WDR27: variants seen among roughly 807,000 people sequenced by gnomAD.
WDR27 encodes the protein WD repeat-containing protein 27.
Under a neutral mutation model 114.4 loss-of-function variants are expected in WDR27, and 100 were observed. The ratio of observed to expected loss-of-function variants is 0.87; its 90% CI spans 0.74 to 1.03. The LOEUF (loss-of-function observed/expected upper bound fraction) is 1.03, where lower values mean the gene tolerates loss of function less well. WDR27 is among the 50% of genes least tolerant of loss of function. The pLI is 0.00. For synonymous variants in WDR27, 449 were observed against 423.1 expected, an observed-to-expected ratio of 1.06 and a Z score of -0.75; for missense variants, 1,129 against 1,092.9, an observed-to-expected ratio of 1.03 and a Z score of -0.47.
chr6:169,433,147 T>C, the WDR27 span, among the ~76,000 whole-genome samples: 2 of 152,254 alleles, frequency 1.3e-5, no homozygotes, highest in Admixed American at 1.3e-4. Context: ...GTTTGTTACA[T>C]AGATATACAT....
At chr6:169,666,912 C>A (rs1391465834) in intron 6 of WDR27, 1 of 985,446 alleles carries the variant, frequency 1.0e-6, no homozygotes, top group African/African-American at 1.7e-5. Context: ...CAGAAAGGCC[C>A]AGACTCCAAG....
intron 25 of WDR27, among the ~76,000 whole-genome samples, chr6:169,473,170 T>G (rs753285264): frequency 2.6e-5 from 4 of 152,204 alleles, no homozygotes; most frequent in Non-Finnish European, 5.9e-5. Context: ...CTTATTCACA[T>G]GAATACACTT....
At chr6:169,455,797 C>A (rs1464878007), downstream of WDR27, among the ~76,000 whole-genome samples, 1 of 152,242 alleles carries the variant, frequency 6.6e-6, no homozygotes, top group Non-Finnish European at 1.5e-5. Context: ...TGCAACCTGA[C>A]ACAGCTCTCT....
Position 169,633,003 on chromosome 6 carries a change from C to A in WDR27, c.2167G>T (p.Ala723Ser), listed in dbSNP as rs1421969210. Reference sequence around the variant, plus strand: ...GAGTGGGCTTCCGCTATCACCGCTGCACTGCAGCCGGCGTTGAGGTCAAAC... The same window carrying A: ...GAGTGGGCTTCCGCTATCACCGCTGAACTGCAGCCGGCGTTGAGGTCAAAC... Reference protein sequence around the residue: ...EVFDLNAGCSAAVIAEAHSRP... With the variant: ...EVFDLNAGCSSAVIAEAHSRP... The change falls in exon 21 of 26, where the codon GCA (alanine) becomes TCA (serine). Residue 723 changes from alanine to serine, a missense_variant. Ala to Ser is a moderately conservative substitution (Grantham distance 99). Coordinates refer to ENST00000448612, the MANE Select transcript of WDR27 (RefSeq NM_182552.5). 2 of 1,599,576 alleles carry A rather than the reference C, an allele frequency of 1.3e-6. No homozygotes were observed. The highest frequency in any genetic ancestry group is 1.7e-5 in the Admixed American group (1 of 59,826).
At chr6:169,561,196 G>C (rs1268122772) in intron 25 of WDR27, among the ~76,000 whole-genome samples, 1 of 152,074 alleles carries the variant, frequency 6.6e-6, no homozygotes, top group African/African-American at 2.4e-5. Flanking sequence ...CATAGACAGT[G>C]CCTTCTCACT....
At chr6:169,449,069 G>A in the WDR27 span, among the ~76,000 whole-genome samples, 483 of 152,262 alleles carry the variant, frequency 3.2e-3, 2 homozygotes, top group Non-Finnish European at 5.5e-3. Context: ...TGCCTACGAC[G>A]TGTATTGTTT....
intron 25 of WDR27, among the ~76,000 whole-genome samples, chr6:169,526,930 G>GA (rs1394891217): frequency 6.6e-6 from 1 of 152,142 alleles, no homozygotes; most frequent in Non-Finnish European, 1.5e-5. Flanking sequence ...AATTATTATG[G>GA]AAATGCAAAT....
the WDR27 span, among the ~76,000 whole-genome samples, chr6:169,430,060 T>C: frequency 6.6e-6 from 1 of 152,218 alleles, no homozygotes; most frequent in Non-Finnish European, 1.5e-5. Context: ...TCATCTGCTC[T>C]GAGCTGCAGA....
At chr6:169,447,786 G>C in the WDR27 span, among the ~76,000 whole-genome samples, 6 of 152,166 alleles carry the variant, frequency 3.9e-5, no homozygotes, top group Non-Finnish European at 8.8e-5. Flanking sequence ...TTCCAAGAAT[G>C]TCTCTTCAGG....
At chr6:169,610,963 AGGTGCACTAAAAC>A (rs1810388628) in intron 22 of WDR27, among the ~76,000 whole-genome samples, 1 of 152,162 alleles carries the variant, frequency 6.6e-6, no homozygotes, top group Admixed American at 6.5e-5. Context: ...CTCAGGTGGC[AGGTGCACTAAAAC>A]CTTAGACTTC....
chr6:169,455,157 T>C (rs571825215), downstream of WDR27, among the ~76,000 whole-genome samples: 63 of 152,332 alleles, frequency 4.1e-4, no homozygotes, highest in African/African-American at 1.5e-3. Context: ...ACACAGACCT[T>C]GGAAAAGGCC....
At chr6:169,700,066 C>A (rs905639978) in intron 1 of WDR27, among the ~76,000 whole-genome samples, 17 of 152,184 alleles carry the variant, frequency 1.1e-4, no homozygotes, top group African/African-American at 4.1e-4. Context: ...CCACCTCCAC[C>A]CCAGCATCAC....
Position 169,499,308 on chromosome 6 carries a change from C to G in WDR27, c.2646-41674G>C, listed in dbSNP as rs140498131. Among the ~76,000 whole-genome samples the G allele has an allele frequency of 3.1e-3, 473 of 152,366 alleles. 2 individuals carry two copies. Among genetic ancestry groups the G allele is most frequent in the South Asian group, 8.9e-3 (43 of 4,826 alleles). ...GGAGCTGCGCTGTTCCCAATGCACA[C>G]TGCAGGGATGTGTGAGGCAGGGCTC... On this transcript the variant is annotated intron_variant, in intron 25 of 25. Coordinates refer to ENST00000448612, the MANE Select transcript of WDR27 (RefSeq NM_182552.5).
At chr6:169,474,678 T>TAA (rs142063952) in intron 25 of WDR27, among the ~76,000 whole-genome samples, 11 of 149,372 alleles carry the variant, frequency 7.4e-5, no homozygotes, top group African/African-American at 2.5e-4. Context: ...GTTCTACAAT[T>TAA]AAAAAAAAAC....
chr6:169,605,108 CAA>C (rs59884264), intron 22 of WDR27, among the ~76,000 whole-genome samples: 2 of 76,190 alleles, frequency 2.6e-5, no homozygotes, highest in Admixed American at 2.2e-4. Flanking sequence ...AGCAATTAGG[CAA>C]AAAAAAAAAA....
At chr6:169,641,812 C>T (rs993976091) in intron 17 of WDR27, among the ~76,000 whole-genome samples, 37 of 152,370 alleles carry the variant, frequency 2.4e-4, no homozygotes, top group African/African-American at 7.9e-4. Context: ...CCCAGAACTT[C>T]ACAACGATCA....
chr6:169,549,701 G>A (rs1225008654), intron 25 of WDR27, among the ~76,000 whole-genome samples: 1 of 152,158 alleles, frequency 6.6e-6, no homozygotes, highest in East Asian at 1.9e-4. Flanking sequence ...CTAAAAAGAA[G>A]TGAGCAAGCA....
In WDR27 at chr6:169,499,383, T is replaced by TCAGCACTCCATGCACTTGCCC. The variant is rs566474809; in HGVS notation, c.2646-41770_2646-41750dup. On this transcript the variant is annotated intron_variant, in intron 25 of 25. Coordinates refer to ENST00000448612, the MANE Select transcript of WDR27 (RefSeq NM_182552.5). ...TGATGACAGCATCTGGATGGCAGCT[T>TCAGCACTCCATGCACTTGCCC]CAGCACTCCATGCACTTGCCCCAGC... Among the ~76,000 whole-genome samples the TCAGCACTCCATGCACTTGCCC allele has an allele frequency of 4.6e-5, 7 of 152,330 alleles. No individual in the cohort carries two copies. In the East Asian group the frequency reaches 1.4e-3, roughly 29 times the overall value.
intron 25 of WDR27, among the ~76,000 whole-genome samples, chr6:169,512,180 G>A (rs1379026843): frequency 6.6e-6 from 1 of 152,002 alleles, no homozygotes; most frequent in Non-Finnish European, 1.5e-5. Context: ...CTTGTAATTT[G>A]CAAAATTATA....
Sources: gnomAD v4.1 joint callset for allele counts (sites outside exome capture counted in the v4.1 genomes callset) on GRCh38, gnomAD v4.1.1 for gene constraint, MANE v1.5 for transcripts, NCBI Gene and HGNC (gene_info 2026-07-23, HGNC 2026-07-21) for gene names.